PPP4R4: variants seen among roughly 807,000 people sequenced by gnomAD.
PPP4R4 encodes serine/threonine-protein phosphatase 4 regulatory subunit 4.
A neutral mutation model predicts 121.8 loss-of-function variants in PPP4R4; 70 were observed. The ratio of observed to expected loss-of-function variants is 0.57; its 90% confidence interval spans 0.47 to 0.70. The LOEUF (loss-of-function observed/expected upper bound fraction) is 0.70, where lower values mean the gene tolerates loss of function less well. PPP4R4 is among the 30% of genes least tolerant of loss of function. The pLI, the probability that PPP4R4 is intolerant of heterozygous loss-of-function variation, is 0.00. For synonymous variants in PPP4R4, 348 were observed against 355.7 expected (o/e 0.98, Z 0.24); for missense variants, 875 against 1,033.6 (o/e 0.85, Z 2.10).
intron 24 of PPP4R4, among the ~76,000 whole-genome samples, chr14:94,275,954 T>C (rs914359339): frequency 2.0e-5 from 3 of 152,214 alleles, no homozygotes; most frequent in African/African-American, 4.8e-5. Flanking sequence ...TCCAATAAAC[T>C]GAAGAGATTT....
At chr14:94,245,785 A>G (rs952923713) in intron 13 of PPP4R4, 115 bp downstream of exon 13, 9 of 614,728 alleles carry the variant, frequency 1.5e-5, no homozygotes, top group East Asian at 1.4e-4. Context: ...AGTGCATGCC[A>G]CATAGCAGGT....
At chr14:94,181,545 A>T (rs111962705) in intron 2 of PPP4R4, among the ~76,000 whole-genome samples, 2,925 of 152,272 alleles carry the variant, frequency 0.019, 100 homozygotes, top group African/African-American at 0.065. Flanking sequence ...CTTTTCTTTG[A>T]GTATGGGTCT....
Position 94,251,766 on chromosome 14 carries a change from A to G in PPP4R4, c.1735A>G (p.Ser579Gly), listed in dbSNP as rs1198405129. ...GTTTCTAGAATTGGGCCAAGGAAAA[A>G]GTTACTGGAATAGACTTCGATTTTT... is the stretch of plus-strand genomic sequence containing the variant. ...KLIEQLGQGK[S>G]YWNRLRFLDT... The change falls in exon 16 of 25, where the codon AGT (serine) becomes GGT (glycine). Residue 579 changes from serine to glycine, a missense_variant. Transcript: ENST00000304338. The G allele has an allele frequency of 6.4e-7, 1 of 1,555,126 alleles. No homozygotes were observed. Among genetic ancestry groups the G allele is most frequent in the Non-Finnish European group, 8.7e-7 (1 of 1,155,484 alleles).
At chr14:94,244,460 A>G (rs1279533846) in intron 11 of PPP4R4, among the ~76,000 whole-genome samples, 175 bp from the exon 12 acceptor site, 1 of 152,230 alleles carries the variant, frequency 6.6e-6, no homozygotes, top group Admixed American at 6.5e-5. Flanking sequence ...GAGGCAGACT[A>G]GAAAGCTGGT....
At chr14:94,274,111 C>T (rs1021906744) in intron 23 of PPP4R4, among the ~76,000 whole-genome samples, 12 of 151,984 alleles carry the variant, frequency 7.9e-5, no homozygotes, top group African/African-American at 2.9e-4. Flanking sequence ...TCTGACTTTC[C>T]GTTCCTGTGA....
intron 7 of PPP4R4, among the ~76,000 whole-genome samples, chr14:94,237,317 A>C (rs1370635792): frequency 6.6e-6 from 1 of 152,166 alleles, no homozygotes; most frequent in Non-Finnish European, 1.5e-5. Context: ...AGTTATTAAG[A>C]TTTCTGTAGG....
At chr14:94,245,711 ATTATC>A in intron 13 of PPP4R4, 41 bp downstream of exon 13, 1 of 1,403,034 alleles carries the variant, frequency 7.1e-7, no homozygotes, top group Non-Finnish European at 1.0e-6. Context: ...TTGTGTAAAT[ATTATC>A]CTACTCTACA....
chr14:94,259,183 A>G, intron 18 of PPP4R4, 112 bp from the exon 19 acceptor site: 1 of 1,480,782 alleles, frequency 6.8e-7, no homozygotes, highest in Non-Finnish European at 9.0e-7. Flanking sequence ...ACAAGATGAA[A>G]TTTGGATGGG....
chr14:94,204,323 G>A (rs534583379), intron 2 of PPP4R4, among the ~76,000 whole-genome samples: 6 of 151,922 alleles, frequency 3.9e-5, no homozygotes, highest in South Asian at 4.2e-4. Flanking sequence ...CTTCAGTGCC[G>A]TTTGATGAAA....
intron 2 of PPP4R4, among the ~76,000 whole-genome samples, chr14:94,196,890 A>G (rs1037720513): frequency 6.6e-6 from 1 of 152,082 alleles, no homozygotes; most frequent in Non-Finnish European, 1.5e-5. Flanking sequence ...GTCTTTGGGA[A>G]TATTAGTCTG....
chr14:94,214,720 A>G (rs1055439084), intron 3 of PPP4R4, among the ~76,000 whole-genome samples: 2 of 152,284 alleles, frequency 1.3e-5, no homozygotes, highest in South Asian at 4.1e-4. Context: ...TATTTCAAGT[A>G]GCATAGTTAA....
chr14:94,175,864 A>G, intron 1 of PPP4R4, 190 bp from the exon 2 acceptor site: 1 of 588,926 alleles, frequency 1.7e-6, no homozygotes, highest in Non-Finnish European at 3.0e-6. Flanking sequence ...CAAACTCCCC[A>G]AACCACCCAA....
chr14:94,252,037 A>G, intron 16 of PPP4R4, 141 bp downstream of exon 16: 1 of 637,462 alleles, frequency 1.6e-6, no homozygotes, highest in East Asian at 3.1e-5. Flanking sequence ...AGTATTCATA[A>G]TTGATGGGCA....
intron 14 of PPP4R4, among the ~76,000 whole-genome samples, chr14:94,247,211 T>A (rs1000208645): frequency 6.6e-6 from 1 of 152,248 alleles, no homozygotes; most frequent in Non-Finnish European, 1.5e-5. Flanking sequence ...TAACATGACA[T>A]CCTATTGCAA....
At chr14:94,187,307 GA>G (rs1181845875) in intron 2 of PPP4R4, among the ~76,000 whole-genome samples, 3 of 150,672 alleles carry the variant, frequency 2.0e-5, no homozygotes, top group Admixed American at 6.6e-5. Flanking sequence ...CTCTGTCTCG[GA>G]AAAAAAAGAA....
intron 23 of PPP4R4, among the ~76,000 whole-genome samples, chr14:94,268,134 G>A (rs1014727798): frequency 1.6e-4 from 24 of 152,272 alleles, no homozygotes; most frequent in Non-Finnish European, 2.4e-4. Context: ...TCTTTAGGAG[G>A]TACTAAGGAA....
intron 23 of PPP4R4, 36 bp from the exon 24 acceptor site, chr14:94,275,338 A>G (rs1356799614): frequency 1.2e-6 from 2 of 1,607,906 alleles, no homozygotes; most frequent in Non-Finnish European, 1.7e-6. Context: ...TTGTTAGTAT[A>G]TTTGGTATGT....
At chr14:94,259,171 C>T in intron 18 of PPP4R4, 124 bp from the exon 19 acceptor site, 1 of 1,452,160 alleles carries the variant, frequency 6.9e-7, no homozygotes, top group Non-Finnish European at 9.2e-7. Flanking sequence ...ATTAGGGGAG[C>T]TACAAGATGA....
At chr14:94,217,526 CA>C (rs1891090282) in intron 3 of PPP4R4, among the ~76,000 whole-genome samples, 1 of 152,022 alleles carries the variant, frequency 6.6e-6, no homozygotes, top group Non-Finnish European at 1.5e-5. Flanking sequence ...GAAAACTTAC[CA>C]AAACATAAAG....
Sources: allele counts gnomAD v4.1 joint callset (sites outside exome capture counted in the v4.1 genomes callset), GRCh38; gene constraint gnomAD v4.1.1; transcripts MANE v1.5; gene names NCBI Gene and HGNC (gene_info 2026-07-23, HGNC 2026-07-21).